Variants in RBX1 observed in about 807,000 individuals in gnomAD.
The protein encoded by RBX1 is E3 ubiquitin-protein ligase RBX1.
For missense variants in RBX1, 46 were observed against 141.4 expected, an observed-to-expected ratio of 0.33 and a Z score of 3.42; for synonymous variants, 48 against 47.9, an observed-to-expected ratio of 1.00 and a Z score of -0.01.
chr22:40,954,736 C>CT (rs759762135), intron 2 of RBX1, among the ~76,000 whole-genome samples: 73 of 142,762 alleles, frequency 5.1e-4, no homozygotes, highest in Middle Eastern at 3.7e-3. Flanking sequence ...TACCTGGATG[C>CT]TTTTTTTTTT....
At chr22:40,958,831 T>A (rs1250219307) in intron 2 of RBX1, among the ~76,000 whole-genome samples, 1 of 152,020 alleles carries the variant, frequency 6.6e-6, no homozygotes, top group Non-Finnish European at 1.5e-5. Flanking sequence ...TTGGTTTGTT[T>A]GAGACAGAGT....
intron 2 of RBX1, among the ~76,000 whole-genome samples, chr22:40,959,878 A>G (rs1380721530): frequency 6.6e-6 from 1 of 152,176 alleles, no homozygotes; most frequent in Admixed American, 6.6e-5. Flanking sequence ...GCACCATGGG[A>G]GGCCGAGGCA....
intron 2 of RBX1, among the ~76,000 whole-genome samples, chr22:40,954,270 CAA>C (rs138624516): frequency 7.5e-6 from 1 of 133,524 alleles, no homozygotes; most frequent in Non-Finnish European, 1.6e-5. Context: ...CTCAAAGTCT[CAA>C]AAAAAAAAAA....
At chr22:40,958,468 A>G (rs1254236151) in intron 2 of RBX1, among the ~76,000 whole-genome samples, 1 of 152,162 alleles carries the variant, frequency 6.6e-6, no homozygotes, top group Non-Finnish European at 1.5e-5. Flanking sequence ...TAAATGAGTA[A>G]TTATATACAT....
At chr22:40,956,535 G>A (rs1339820793) in intron 2 of RBX1, among the ~76,000 whole-genome samples, 1 of 151,334 alleles carries the variant, frequency 6.6e-6, no homozygotes, top group Admixed American at 6.6e-5. Context: ...ATTTTTATGA[G>A]AGACAGGGTT....
At chr22:40,952,597 TGAG>T (rs1240233819) in intron 1 of RBX1, among the ~76,000 whole-genome samples, 6 of 152,180 alleles carry the variant, frequency 3.9e-5, no homozygotes, top group African/African-American at 7.2e-5. Flanking sequence ...TATTTGTAAT[TGAG>T]GAAGCCAGAG....
intron 4 of RBX1, among the ~76,000 whole-genome samples, chr22:40,968,545 G>T (rs1387649703): frequency 1.3e-5 from 2 of 152,086 alleles, no homozygotes; most frequent in South Asian, 2.1e-4. Context: ...TATTTCACTG[G>T]TTTATTTCAC....
chr22:40,962,331 A>G (rs1158002137), intron 2 of RBX1, among the ~76,000 whole-genome samples: 1 of 151,904 alleles, frequency 6.6e-6, no homozygotes, highest in Non-Finnish European at 1.5e-5. Flanking sequence ...CGAATTCCTG[A>G]CTTCAGCCTC....
At chr22:40,956,597 C>T (rs567134837) in intron 2 of RBX1, among the ~76,000 whole-genome samples, 6 of 151,820 alleles carry the variant, frequency 4.0e-5, no homozygotes, top group Non-Finnish European at 7.4e-5. Context: ...GTGATCCATT[C>T]GCCTTGGCCT....
intron 3 of RBX1, 50 bp from the exon 4 acceptor site, chr22:40,967,749 G>T: frequency 6.6e-7 from 1 of 1,505,986 alleles, no homozygotes; most frequent in South Asian, 1.1e-5. Flanking sequence ...GTCGCTCGAT[G>T]GCTGAGCCTG....
intron 4 of RBX1, among the ~76,000 whole-genome samples, chr22:40,971,178 G>A (rs999082595): frequency 2.0e-5 from 3 of 152,162 alleles, no homozygotes. Flanking sequence ...GCGGGGGTAT[G>A]AAGAATTCCT....
At position 40,972,858 on chromosome 22, in the gene RBX1, A is replaced by G. The variant is rs1432341001; in HGVS notation, c.*370A>G. ...GAGTGTGGATCACCGGCTCCCGAAA[A>G]CAGCAGTCAGCCCTTCTTTCTCCTG... On this transcript the variant is annotated 3_prime_UTR_variant, in exon 5 of 5. Coordinates refer to ENST00000216225, the MANE Select transcript of RBX1 (RefSeq NM_014248.4). 5.9e-6 allele frequency: 1 copy of G among 170,844 alleles called. No homozygotes were observed. The highest frequency in any genetic ancestry group is 1.3e-5 in the Non-Finnish European group (1 of 79,722). 10.6% of individuals were successfully genotyped at this position (170,844 alleles called of 1,614,324 possible).
intron 2 of RBX1, among the ~76,000 whole-genome samples, chr22:40,955,961 G>A (rs966460547): frequency 4.6e-5 from 7 of 152,164 alleles, no homozygotes; most frequent in South Asian, 2.1e-4. Flanking sequence ...CCAGTTTCTC[G>A]GCCTTGCATT....
intron 2 of RBX1, among the ~76,000 whole-genome samples, chr22:40,953,863 C>T (rs951760342): frequency 2.0e-5 from 3 of 152,122 alleles, no homozygotes; most frequent in African/African-American, 7.2e-5. Context: ...ATGGCAGGGA[C>T]ACATTTAGAA....
chr22:40,951,850 T>A (rs115677290), intron 1 of RBX1, among the ~76,000 whole-genome samples: 1 of 151,326 alleles, frequency 6.6e-6, no homozygotes, highest in Non-Finnish European at 1.5e-5. Context: ...AATGCGGCGG[T>A]GGAGGATGGG....
In RBX1 at chr22:40,963,048, G is replaced by A. The variant is rs577264342; in HGVS notation, c.158-999G>A. Among the ~76,000 whole-genome samples the A allele has an allele frequency of 4.0e-5, 6 of 148,842 alleles. No homozygotes were observed. In the East Asian group the frequency reaches 1.2e-3, roughly 31 times the overall value. The stretch of plus-strand genomic sequence containing the variant: ...AGTAGAGACAGGTTTCACCATGTTG[G>A]GTGGGCTAGTCTTGAACTCCTGACC... On this transcript the variant is annotated intron_variant, in intron 2 of 4. Coordinates refer to ENST00000216225, the MANE Select transcript of RBX1 (RefSeq NM_014248.4).
At chr22:40,962,725 C>T (rs1406990048) in intron 2 of RBX1, among the ~76,000 whole-genome samples, 3 of 149,946 alleles carry the variant, frequency 2.0e-5, no homozygotes, top group Non-Finnish European at 1.5e-5. Flanking sequence ...CGGAGTCTTG[C>T]ACTGTCGCCC....
intron 3 of RBX1, chr22:40,966,969 A>G (rs1264193963): frequency 1.3e-5 from 2 of 152,100 alleles, no homozygotes; most frequent in African/African-American, 4.8e-5. Flanking sequence ...CTGCATGCAG[A>G]TTGTCCTTTT....
chr22:40,951,442 G>A lies in RBX1; in HGVS notation c.44G>A (p.Ser15Asn). The stretch of plus-strand genomic sequence containing the variant: ...GTGGATACCCCGAGCGGCACCAACA[G>A]CGGCGCGGGCAAGAAGCGCTTTGAA... ...MDVDTPSGTN[S>N]GAGKKRFEVK... The change falls in exon 1 of 5, where the codon AGC becomes AAC. Residue 15 changes from serine (S) to asparagine (N), a missense_variant. Ser to Asn is a conservative substitution (Grantham distance 46). Coordinates refer to ENST00000216225, the MANE Select transcript of RBX1 (RefSeq NM_014248.4). The A allele has an allele frequency of 6.2e-7, 1 of 1,613,768 alleles. No homozygotes were observed. Among genetic ancestry groups the A allele is most frequent in the Non-Finnish European group, 8.5e-7 (1 of 1,179,892 alleles).
Sources: gnomAD v4.1 joint callset for allele counts (sites outside exome capture counted in the v4.1 genomes callset) on GRCh38, gnomAD v4.1.1 for gene constraint, MANE v1.5 for transcripts, NCBI Gene and HGNC (gene_info 2026-07-23, HGNC 2026-07-21) for gene names.